Variants in MORN3 observed in about 807,000 individuals in gnomAD.
MORN3 encodes MORN repeat containing 3.
Under a neutral mutation model 34.7 loss-of-function variants are expected in MORN3, and 38 were observed. That is an observed-to-expected ratio of 1.10 (90% CI 0.85 to 1.44). MORN3 has a LOEUF of 1.44. Among genes scored for constraint, MORN3 ranks in the 40% most tolerant of loss-of-function variants. The pLI, the probability that MORN3 is intolerant of heterozygous loss-of-function variation, is 0.00. For synonymous variants in MORN3, 109 were observed against 115.3 expected (o/e 0.95, Z 0.35); for missense variants, 311 against 321.7 (o/e 0.97, Z 0.25).
Position 121,669,583 on chromosome 12 carries a change from G to T in MORN3, c.-100C>A. On this transcript the variant is annotated 5_prime_UTR_variant, in exon 1 of 6. Coordinates refer to ENST00000355329, the MANE Select transcript of MORN3 (RefSeq NM_173855.5). ...ATGCCGGGATCCTGAGCTCAAGTGG[G>T]GAGAGTCATGTGTGTTCTGAGTCCC... 1 of 1,513,740 alleles carries T rather than the reference G, an allele frequency of 6.6e-7. No individual in the cohort carries two copies. Among genetic ancestry groups the T allele is most frequent in the Non-Finnish European group, 9.0e-7 (1 of 1,109,322 alleles). The allele number at this position is 1,513,740 out of a possible 1,614,324, so 93.8% of individuals were successfully genotyped here.
rs1893242550 is a variant in MORN3 at position 121,651,128 on chromosome 12, T to TA, written c.*522dup. The TA allele has an allele frequency of 1.3e-5, 2 of 151,720 alleles. No homozygotes were observed. Among genetic ancestry groups the TA allele is most frequent in the South Asian group, 2.1e-4 (1 of 4,822 alleles). 9.4% of individuals were successfully genotyped at this position (151,720 alleles called of 1,614,324 possible). ...TTTTCTTTTCCTTTCTTTTATATTT[T>TA]AAAATTTTTTTTTGTAGAGTCAGGG... On this transcript the variant is annotated 3_prime_UTR_variant, in exon 6 of 6. Transcript: ENST00000355329.
At chr12:121,666,693 A>T (rs1007778663) in intron 1 of MORN3, among the ~76,000 whole-genome samples, 1 of 151,964 alleles carries the variant, frequency 6.6e-6, no homozygotes, top group African/African-American at 2.4e-5. Context: ...TGCCTTTCTA[A>T]TAATTTGCTT....
At chr12:121,657,511 AC>A (rs1893446893) in intron 2 of MORN3, among the ~76,000 whole-genome samples, 1 of 151,870 alleles carries the variant, frequency 6.6e-6, no homozygotes, top group South Asian at 2.1e-4. Flanking sequence ...TCTTTCCCCC[AC>A]CCACCAAGTT....
chr12:121,658,565 C>CA (rs62682762), intron 2 of MORN3, among the ~76,000 whole-genome samples: 6,374 of 68,096 alleles, frequency 0.094, 495 homozygotes, highest in African/African-American at 0.24. Flanking sequence ...GACTCCCTCT[C>CA]AAAAAAAAAA....
chr12:121,661,897 G>GAGGGAGGA (rs201622833), intron 1 of MORN3, among the ~76,000 whole-genome samples: 2 of 151,184 alleles, frequency 1.3e-5, no homozygotes, highest in African/African-American at 2.4e-5. Context: ...AGGAGAGAGG[G>GAGGGAGGA]AGGGAGGAAG....
intron 1 of MORN3, among the ~76,000 whole-genome samples, chr12:121,667,411 A>C (rs1018303180): frequency 1.3e-5 from 2 of 150,354 alleles, no homozygotes; most frequent in African/African-American, 4.9e-5. Context: ...TCACCACTCG[A>C]TCCAGCTAAT....
rs767525874 is a variant in MORN3 at position 121,665,278 on chromosome 12, C to CTTTTTTTTTTTTTT, written c.145+4047_145+4060dup. ...AGATCTCGCGTTTTCTTTTTCTTTC[C>CTTTTTTTTTTTTTT]TTTTTTTTTTTTTTTTTTTTTTTTT... On this transcript the variant is annotated intron_variant, in intron 1 of 5. Transcript: ENST00000355329. 2.8e-4 allele frequency among the ~76,000 whole-genome samples: 14 copies of CTTTTTTTTTTTTTT among 50,634 alleles called. 1 individual carries two copies. Among genetic ancestry groups the CTTTTTTTTTTTTTT allele is most frequent in the East Asian group, 7.7e-4 (1 of 1,292 alleles). 33.2% of individuals were successfully genotyped at this position (50,634 alleles called of 152,430 possible). A position where few individuals can be genotyped will look rare whatever the true frequency, so the allele number is the denominator to read the frequency against.
intron 2 of MORN3, among the ~76,000 whole-genome samples, chr12:121,657,231 A>G (rs1169970611): frequency 6.6e-6 from 1 of 152,190 alleles, no homozygotes; most frequent in Non-Finnish European, 1.5e-5. Context: ...TTGCCTTTGT[A>G]GGATTAACAT....
intron 2 of MORN3, among the ~76,000 whole-genome samples, chr12:121,657,698 T>A (rs1359487078): frequency 1.3e-5 from 2 of 151,900 alleles, no homozygotes; most frequent in Non-Finnish European, 2.9e-5. Flanking sequence ...AGAAACTCTG[T>A]CTCTACTAAA....
chr12:121,656,599 C>T (rs1555325728), intron 2 of MORN3, among the ~76,000 whole-genome samples: 1 of 152,160 alleles, frequency 6.6e-6, no homozygotes, highest in African/African-American at 2.4e-5. Context: ...ACTGCCACCT[C>T]TGCCTCCTGG....
intron 1 of MORN3, among the ~76,000 whole-genome samples, 175 bp downstream of exon 1, chr12:121,669,164 G>A (rs928126656): frequency 2.0e-5 from 3 of 152,186 alleles, no homozygotes; most frequent in East Asian, 1.9e-4. Context: ...GGCTGAGTTT[G>A]TTCAGAAGCC....
chr12:121,669,192 C>T, intron 1 of MORN3, 147 bp downstream of exon 1: 1 of 1,016,994 alleles, frequency 9.8e-7, no homozygotes, highest in Non-Finnish European at 1.4e-6. Flanking sequence ...GTGAAGGCCC[C>T]CAGCTGGCCT....
Position 121,659,158 on chromosome 12 carries a change from CACACACACA to C in MORN3, c.303+24_303+32del, listed in dbSNP as rs776188833. 18 of 1,606,752 alleles carry C rather than the reference CACACACACA, an allele frequency of 1.1e-5. No homozygotes were observed. The African/African-American group carries it at 2.0e-4, about 18-fold the overall frequency. On this transcript the variant is annotated intron_variant, in intron 2 of 5. Coordinates refer to ENST00000355329, the MANE Select transcript of MORN3 (RefSeq NM_173855.5). ...GCGCGCACACACACACACACACACA[CACACACACA>C]CCCCGGCTGGCAGGCCTGCTCACCG...
chr12:121,669,243 C>G, intron 1 of MORN3, 96 bp downstream of exon 1: 1 of 1,499,386 alleles, frequency 6.7e-7, no homozygotes, highest in South Asian at 1.2e-5. Context: ...GGACACATCT[C>G]ATGTCCCCAG....
chr12:121,662,419 T>C (rs1055722792), intron 1 of MORN3, among the ~76,000 whole-genome samples: 2 of 151,912 alleles, frequency 1.3e-5, no homozygotes, highest in Admixed American at 6.6e-5. Context: ...GTGAGTGAGA[T>C]TGCGCCACTG....
intron 1 of MORN3, among the ~76,000 whole-genome samples, chr12:121,660,857 G>C (rs1465022122): frequency 6.6e-6 from 1 of 151,652 alleles, no homozygotes; most frequent in Non-Finnish European, 1.5e-5. Flanking sequence ...CAGTAGAGAC[G>C]GGGGTCTCTC....
intron 1 of MORN3, among the ~76,000 whole-genome samples, chr12:121,664,530 G>A (rs962074240): frequency 6.6e-6 from 1 of 152,164 alleles, no homozygotes; most frequent in East Asian, 1.9e-4. Context: ...AGGCCAAGGC[G>A]GGCGGATCAC....
chr12:121,654,266 G>A lies in MORN3; in HGVS notation c.463+8C>T. 2 of 1,547,330 alleles carry A rather than the reference G, an allele frequency of 1.3e-6. No homozygotes were observed. Among genetic ancestry groups the A allele is most frequent in the Admixed American group, 1.9e-5 (1 of 51,412 alleles). On this transcript the variant is annotated splice_region_variant and intron_variant, in intron 3 of 5. Coordinates refer to ENST00000355329, the MANE Select transcript of MORN3 (RefSeq NM_173855.5). ...GGTGGGCGGGGCCGGCGGGGGTGGGGCACTCACTCAGGCGCAGCATGCCCT... is the reference window on the plus strand; with the variant it reads ...GGTGGGCGGGGCCGGCGGGGGTGGGACACTCACTCAGGCGCAGCATGCCCT...
chr12:121,662,991 G>GACAAA, intron 1 of MORN3, among the ~76,000 whole-genome samples: 1 of 151,886 alleles, frequency 6.6e-6, no homozygotes, highest in East Asian at 1.9e-4. Flanking sequence ...GTCTCAAAAA[G>GACAAA]ACAAAACAAA....
Sources: allele counts gnomAD v4.1 joint callset (sites outside exome capture counted in the v4.1 genomes callset), GRCh38; gene constraint gnomAD v4.1.1; transcripts MANE v1.5; gene names NCBI Gene and HGNC (gene_info 2026-07-23, HGNC 2026-07-21).